SEMA5A: variants seen among roughly 807,000 people sequenced by gnomAD.
SEMA5A encodes semaphorin 5A.
Under a neutral mutation model 135.5 loss-of-function variants are expected in SEMA5A, and 55 were observed. The observed-to-expected ratio is 0.41, with a 90% CI of 0.33 to 0.51. SEMA5A has a LOEUF of 0.51. Ranked by LOEUF, SEMA5A falls within the 20% of genes least tolerant of loss-of-function variation. The pLI, the probability that SEMA5A is intolerant of heterozygous loss-of-function variation, is 0.37. For synonymous variants in SEMA5A, 580 were observed against 546.5 expected (o/e 1.06, Z -0.85); for missense variants, 1,290 against 1,419.9 (o/e 0.91, Z 1.47).
At chr5:9,105,630 G>T (rs936099969) in intron 16 of SEMA5A, among the ~76,000 whole-genome samples, 1 of 152,190 alleles carries the variant, frequency 6.6e-6, no homozygotes, top group South Asian at 2.1e-4. Context: ...AGACCTTACG[G>T]ATGGCACCCT....
intron 2 of SEMA5A, among the ~76,000 whole-genome samples, chr5:9,399,075 C>T (rs1756532375): frequency 6.6e-6 from 1 of 152,156 alleles, no homozygotes; most frequent in Non-Finnish European, 1.5e-5. Context: ...ATTTCAATAA[C>T]CCAGCAATCC....
In SEMA5A at chr5:9,204,829, G is replaced by A. The variant is rs193155454; in HGVS notation, c.647-2589C>T. ...AAATGAATGTTACCTCCTGAGCTCC[G>A]CCTCCCGTCAGATCAGTGGCAGCAT... On this transcript the variant is annotated intron_variant, in intron 8 of 22. Coordinates refer to ENST00000382496, the MANE Select transcript of SEMA5A (RefSeq NM_003966.3). The surrounding 1 kb of genome is among the most constrained non-coding windows in gnomAD (Gnocchi z 6.4). Among the ~76,000 whole-genome samples, 49 of 152,274 alleles carry A rather than the reference G, an allele frequency of 3.2e-4. No homozygotes were observed. Among genetic ancestry groups the A allele is most frequent in the African/African-American group, 1.0e-3 (42 of 41,556 alleles).
At chr5:9,160,535 C>T (rs757692973) in intron 11 of SEMA5A, among the ~76,000 whole-genome samples, 1 of 152,154 alleles carries the variant, frequency 6.6e-6, no homozygotes, top group African/African-American at 2.4e-5. Context: ...ATGCTGTCAC[C>T]AGACCAACTC....
intron 12 of SEMA5A, among the ~76,000 whole-genome samples, chr5:9,137,747 A>G (rs761423525): frequency 6.6e-5 from 10 of 152,250 alleles, no homozygotes; most frequent in Non-Finnish European, 1.3e-4. Context: ...CAACCCTGTC[A>G]GCAGGGAGGT....
At chr5:9,283,220 A>G (rs993500266) in intron 5 of SEMA5A, among the ~76,000 whole-genome samples, 1 of 152,198 alleles carries the variant, frequency 6.6e-6, no homozygotes, top group Non-Finnish European at 1.5e-5. Context: ...AGTTCTCATG[A>G]GTCAGGAGTC....
intron 11 of SEMA5A, among the ~76,000 whole-genome samples, chr5:9,158,988 T>C (rs548644945): frequency 1.3e-5 from 2 of 152,228 alleles, no homozygotes; most frequent in African/African-American, 4.8e-5. Context: ...TTAGTATTAG[T>C]ATGCACTATT....
intron 1 of SEMA5A, among the ~76,000 whole-genome samples, chr5:9,504,223 A>T (rs2387705): frequency 7.2e-4 from 73 of 100,804 alleles, no homozygotes; most frequent in South Asian, 3.9e-3. Context: ...AAAAAAAAAA[A>T]GAAAAAAAAA....
chr5:9,531,975 C>G (rs1737468244), intron 1 of SEMA5A, among the ~76,000 whole-genome samples: 1 of 152,196 alleles, frequency 6.6e-6, no homozygotes. Context: ...AAAGACCTAC[C>G]TGTGGACAAA....
At chr5:9,206,955 A>G (rs1746053719) in intron 8 of SEMA5A, among the ~76,000 whole-genome samples, 2 of 148,038 alleles carry the variant, frequency 1.4e-5, no homozygotes, top group Non-Finnish European at 3.0e-5. Context: ...GGCATCGTGT[A>G]CAGGCATTTT....
chr5:9,118,336 T>A (rs1740630104), intron 15 of SEMA5A, among the ~76,000 whole-genome samples: 1 of 152,220 alleles, frequency 6.6e-6, no homozygotes, highest in African/African-American at 2.4e-5. Context: ...GATTCAATGA[T>A]CTTGCAAAAC....
intron 3 of SEMA5A, among the ~76,000 whole-genome samples, chr5:9,344,821 T>C (rs892310041): frequency 1.3e-5 from 2 of 152,180 alleles, no homozygotes; most frequent in Admixed American, 1.3e-4. Context: ...TAACTCCTAT[T>C]GAGGGCTTAG....
intron 20 of SEMA5A, among the ~76,000 whole-genome samples, chr5:9,051,166 C>T (rs953554701): frequency 1.3e-5 from 2 of 152,172 alleles, no homozygotes; most frequent in African/African-American, 2.4e-5. Context: ...GTATGGTATG[C>T]TAATTTTCTC....
At chr5:9,371,511 G>GT (rs959268399) in intron 3 of SEMA5A, among the ~76,000 whole-genome samples, 4 of 152,024 alleles carry the variant, frequency 2.6e-5, no homozygotes, top group East Asian at 1.9e-4. Context: ...TTGAAAAGTG[G>GT]TTTTTTAAAA....
At chr5:9,526,139 C>T (rs924698466) in intron 1 of SEMA5A, among the ~76,000 whole-genome samples, 1 of 152,204 alleles carries the variant, frequency 6.6e-6, no homozygotes, top group African/African-American at 2.4e-5. Flanking sequence ...TTGCATTGTA[C>T]ATCGAGCTGC....
At chr5:9,137,479 C>T (rs974677891) in intron 12 of SEMA5A, among the ~76,000 whole-genome samples, 6 of 151,964 alleles carry the variant, frequency 3.9e-5, no homozygotes, top group Admixed American at 2.0e-4. Flanking sequence ...AGGAAGAAGA[C>T]GGAGATGATA....
chr5:9,373,790 C>T (rs1755241493), intron 3 of SEMA5A, among the ~76,000 whole-genome samples: 3 of 152,204 alleles, frequency 2.0e-5, no homozygotes, highest in Non-Finnish European at 2.9e-5. Context: ...GCATGACTCA[C>T]ATCACTGGTG....
rs1490717445 is a variant in SEMA5A, at chr5:9,204,911, T to C, written c.647-2671A>G. ...GAACTGTGCATGTGAGGGATCTAAGTTGTACACATCTTATGAGAATCTAAT... is the reference window on the plus strand; with the variant it reads ...GAACTGTGCATGTGAGGGATCTAAGCTGTACACATCTTATGAGAATCTAAT... On this transcript the variant is annotated intron_variant, in intron 8 of 22. Coordinates refer to ENST00000382496, the MANE Select transcript of SEMA5A (RefSeq NM_003966.3). This position sits in a 1 kb window ranked among gnomAD's most constrained non-coding sequence, Gnocchi z 6.4. Among the ~76,000 whole-genome samples, 1 of 152,106 alleles carries C rather than the reference T, an allele frequency of 6.6e-6. No individual in the cohort carries two copies. Among genetic ancestry groups the C allele is most frequent in the South Asian group, 2.1e-4 (1 of 4,824 alleles).
intron 1 of SEMA5A, among the ~76,000 whole-genome samples, chr5:9,438,666 T>C (rs268534): frequency 0.31 from 47,512 of 152,054 alleles, 7,841 homozygotes; most frequent in African/African-American, 0.42. Context: ...GTTCTCTTCA[T>C]TCATCTGGTT....
At chr5:9,108,326 G>A in intron 15 of SEMA5A, 39 bp from the exon 16 acceptor site, 1 of 1,608,108 alleles carries the variant, frequency 6.2e-7, no homozygotes. Flanking sequence ...AAACTAATTA[G>A]TGCCACTTGA....
Sources: allele counts gnomAD v4.1 joint callset (sites outside exome capture counted in the v4.1 genomes callset), GRCh38; gene constraint gnomAD v4.1.1; non-coding constraint Gnocchi (gnomAD v3.1); transcripts MANE v1.5; gene names NCBI Gene and HGNC (gene_info 2026-07-23, HGNC 2026-07-21).